FNTB: variants seen among roughly 807,000 people sequenced by gnomAD.
The protein encoded by FNTB is protein farnesyltransferase subunit beta.
A neutral mutation model predicts 59.4 loss-of-function variants in FNTB; 27 were observed. That is an observed-to-expected ratio of 0.45 (90% CI 0.34 to 0.63). The LOEUF (loss-of-function observed/expected upper bound fraction) is 0.63. Ranked by LOEUF, FNTB falls within the 20% of genes least tolerant of loss-of-function variation. The pLI is 0.02. For synonymous variants in FNTB, 230 were observed against 220.7 expected (o/e 1.04, Z -0.37); for missense variants, 449 against 559.6 (o/e 0.80, Z 1.99).
At chr14:65,035,917 G>A (rs1261834399) in intron 7 of FNTB, among the ~76,000 whole-genome samples, 2 of 148,268 alleles carry the variant, frequency 1.3e-5, no homozygotes, top group African/African-American at 5.0e-5. Flanking sequence ...CTGCAGCCTT[G>A]ACCTCCTGGG....
intron 1 of FNTB, among the ~76,000 whole-genome samples, chr14:64,989,174 C>A (rs529554462): frequency 1.2e-4 from 18 of 151,200 alleles, no homozygotes; most frequent in African/African-American, 4.1e-4. Context: ...AAATTGATGG[C>A]TGACACCTGT....
chr14:65,046,592 G>A (rs1016947327), intron 9 of FNTB, among the ~76,000 whole-genome samples: 2 of 152,156 alleles, frequency 1.3e-5, no homozygotes, highest in African/African-American at 4.8e-5. Flanking sequence ...TCATTGGCTG[G>A]GAGAAGGCCT....
intron 1 of FNTB, 120 bp downstream of exon 1, chr14:64,987,217 G>C: frequency 8.0e-7 from 1 of 1,245,662 alleles, no homozygotes; most frequent in Non-Finnish European, 1.1e-6. Flanking sequence ...AGCGCACCGC[G>C]GTGCCTTTCC....
rs34879850 is a variant in FNTB, at chr14:65,047,978, A to ATTTT, written c.955+3559_955+3562dup. ...AGACAGAAGGAGGGAGACTTTTTAG[A>ATTTT]TTTTTTTTTTTTTTTTTTTTTTTTT... On this transcript the variant is annotated intron_variant, in intron 9 of 11. Coordinates refer to ENST00000246166, the MANE Select transcript of FNTB (RefSeq NM_002028.4). The surrounding 1 kb of genome is among the most constrained non-coding windows in gnomAD (Gnocchi z 5.2). Among the ~76,000 whole-genome samples, 12 of 64,128 alleles carry ATTTT rather than the reference A, an allele frequency of 1.9e-4. No individual in the cohort carries two copies. The highest frequency in any genetic ancestry group is 2.1e-4 in the Admixed American group (1 of 4,698). 42.1% of individuals were successfully genotyped at this position (64,128 alleles called of 152,430 possible).
At position 65,009,986 on chromosome 14, in the gene FNTB, C is replaced by T. The variant is rs985740597; in HGVS notation, c.210-2331C>T. 9.9e-5 allele frequency among the ~76,000 whole-genome samples: 15 copies of T among 152,240 alleles called. No individual in the cohort carries two copies. In the East Asian group the frequency reaches 1.5e-3, roughly 16 times the overall value. On this transcript the variant is annotated intron_variant, in intron 2 of 11. Coordinates refer to ENST00000246166, the MANE Select transcript of FNTB (RefSeq NM_002028.4). This position sits in a 1 kb window ranked among gnomAD's most constrained non-coding sequence, Gnocchi z 4.2. Reference sequence around the variant, plus strand: ...TGCCCACACAGATGGGTGCTCCCTGCGTCCTGAGTGGACTTTCCTGAAAGA... The same window carrying T: ...TGCCCACACAGATGGGTGCTCCCTGTGTCCTGAGTGGACTTTCCTGAAAGA...
At chr14:65,006,307 A>G (rs183567827) in intron 2 of FNTB, 25 of 1,612,978 alleles carry the variant, frequency 1.5e-5, no homozygotes, top group Middle Eastern at 3.3e-4. Context: ...AGGAGGAAAA[A>G]TATCAGCTTA....
rs2061942899 is a variant in FNTB, at chr14:65,024,364, G to T, written c.375-3089G>T. On this transcript the variant is annotated intron_variant, in intron 4 of 11. Coordinates refer to ENST00000246166, the MANE Select transcript of FNTB (RefSeq NM_002028.4). ...ACACCCCCCAAGTAATTTTAGTTGT[G>T]CAGCAAGGACTAGTGATGGCTCAAG... Among the ~76,000 whole-genome samples the T allele has an allele frequency of 3.9e-5, 6 of 152,100 alleles. No homozygotes were observed. The South Asian group carries it at 1.2e-3, about 32-fold the overall frequency.
intron 4 of FNTB, among the ~76,000 whole-genome samples, chr14:65,020,654 G>A (rs559649929): frequency 3.3e-5 from 5 of 151,416 alleles, no homozygotes; most frequent in South Asian, 2.1e-4. Context: ...AGTTGGTCTC[G>A]AACTCCTGAC....
At chr14:64,989,217 G>T (rs1888082215) in intron 1 of FNTB, among the ~76,000 whole-genome samples, 1 of 142,898 alleles carries the variant, frequency 7.0e-6, no homozygotes, top group South Asian at 2.2e-4. Context: ...GAGGCGGGAA[G>T]ATCACCTGAG....
At chr14:64,987,993 C>T (rs756705111) in intron 1 of FNTB, among the ~76,000 whole-genome samples, 1 of 152,176 alleles carries the variant, frequency 6.6e-6, no homozygotes, top group Non-Finnish European at 1.5e-5. Flanking sequence ...GAAATAAGAT[C>T]TCTTAGTGAG....
intron 7 of FNTB, among the ~76,000 whole-genome samples, chr14:65,034,401 A>G (rs1444406356): frequency 1.3e-5 from 2 of 152,216 alleles, no homozygotes; most frequent in African/African-American, 4.8e-5. Context: ...TACATTTTTA[A>G]TATCTTGCAT....
chr14:65,039,980 GAAATTTAAGACCAGCCTGGGTAAC>G (rs1205333928), intron 7 of FNTB, among the ~76,000 whole-genome samples: 6 of 152,104 alleles, frequency 3.9e-5, no homozygotes, highest in Non-Finnish European at 7.4e-5. Flanking sequence ...CTTGAGGCCA[GAAATTTAAGACCAGCCTGGGTAAC>G]ATGGCAATGC....
chr14:65,007,432 C>T lies in FNTB; in HGVS notation c.209+3119C>T, dbSNP rs764049424. On this transcript the variant is annotated intron_variant, in intron 2 of 11. Coordinates refer to ENST00000246166, the MANE Select transcript of FNTB (RefSeq NM_002028.4). The surrounding 1 kb of genome is among the most constrained non-coding windows in gnomAD (Gnocchi z 4.9). ...CACACATGCCCAGGACCACAGACCA[C>T]GCACAGGTCCAGGGATGCCTGTGAT... Among the ~76,000 whole-genome samples the T allele has an allele frequency of 1.3e-5, 2 of 152,308 alleles. No homozygotes were observed. Among genetic ancestry groups the T allele is most frequent in the South Asian group, 2.1e-4 (1 of 4,830 alleles).
Position 65,027,032 on chromosome 14 carries a change from C to T in FNTB, c.375-421C>T, listed in dbSNP as rs1307774045. Among the ~76,000 whole-genome samples the T allele has an allele frequency of 6.6e-6, 1 of 152,032 alleles. No homozygotes were observed. On this transcript the variant is annotated intron_variant, in intron 4 of 11. Coordinates refer to ENST00000246166, the MANE Select transcript of FNTB (RefSeq NM_002028.4). This position sits in a 1 kb window ranked among gnomAD's most constrained non-coding sequence, Gnocchi z 5.7. ...GTTAGTGTGGAAAGAAGCAGTTGAG[C>T]ACCATGTTTTGGCAAAATTCAAAGG... is the stretch of plus-strand genomic sequence containing the variant.
At chr14:65,002,096 AT>A (rs1164412134) in intron 1 of FNTB, among the ~76,000 whole-genome samples, 1 of 152,206 alleles carries the variant, frequency 6.6e-6, no homozygotes, top group Non-Finnish European at 1.5e-5. Context: ...TATTTCGGAA[AT>A]AAATGACTCA....
chr14:65,017,847 C>T (rs1055997594), intron 4 of FNTB, among the ~76,000 whole-genome samples: 8 of 151,826 alleles, frequency 5.3e-5, no homozygotes, highest in South Asian at 2.1e-4. Flanking sequence ...CCCAGCTACT[C>T]GGGAGGCTGA....
chr14:65,021,886 T>C (rs1490000129), intron 4 of FNTB: 4 of 455,062 alleles, frequency 8.8e-6, no homozygotes, highest in Non-Finnish European at 1.8e-5. Context: ...CCTTAAGTGA[T>C]CCGCCCACGT....
intron 1 of FNTB, among the ~76,000 whole-genome samples, chr14:64,988,477 C>T (rs557930573): frequency 1.9e-4 from 26 of 136,766 alleles, no homozygotes; most frequent in East Asian, 4.3e-4. Flanking sequence ...GATGGGGTCT[C>T]GCCCTGTTGC....
rs969662152 is a variant in FNTB, at chr14:64,994,075, A to T, written c.144+6978A>T. 6.6e-6 allele frequency among the ~76,000 whole-genome samples: 1 copy of T among 152,060 alleles called. No individual in the cohort carries two copies. The highest frequency in any genetic ancestry group is 1.5e-5 in the Non-Finnish European group (1 of 68,010). ...TTACCATGTTGACCAGGCTGGTCTCAAACTCCTGACCTCAAATGATCCACC... is the reference window on the plus strand; with the variant it reads ...TTACCATGTTGACCAGGCTGGTCTCTAACTCCTGACCTCAAATGATCCACC... On this transcript the variant is annotated intron_variant, in intron 1 of 11. Coordinates refer to ENST00000246166, the MANE Select transcript of FNTB (RefSeq NM_002028.4). This position sits in a 1 kb window ranked among gnomAD's most constrained non-coding sequence, Gnocchi z 4.2.
Sources: gnomAD v4.1 joint callset for allele counts (sites outside exome capture counted in the v4.1 genomes callset) on GRCh38, gnomAD v4.1.1 for gene constraint, Gnocchi (gnomAD v3.1) non-coding constraint, MANE v1.5 for transcripts, NCBI Gene and HGNC (gene_info 2026-07-23, HGNC 2026-07-21) for gene names.